Variants in EPHA6 observed in about 807,000 individuals in gnomAD.
The protein encoded by EPHA6 is ephrin type-A receptor 6.
EPHA6 carries 50 observed loss-of-function variants against 112.0 expected under a neutral mutation model. The ratio of observed to expected loss-of-function variants is 0.45; its 90% CI spans 0.36 to 0.56. The LOEUF (loss-of-function observed/expected upper bound fraction) is 0.56. Ranked by LOEUF, EPHA6 falls within the 20% of genes least tolerant of loss-of-function variation. The pLI is 0.00. For missense variants in EPHA6, 1,280 were observed against 1,417.4 expected (o/e 0.90, Z 1.56); for synonymous variants, 529 against 490.7 (o/e 1.08, Z -1.03).
At chr3:96,911,967 A>G (rs1302684037) in intron 2 of EPHA6, among the ~76,000 whole-genome samples, 1 of 152,014 alleles carries the variant, frequency 6.6e-6, no homozygotes, top group African/African-American at 2.4e-5. Context: ...TTAAGTGTCT[A>G]AGAACTAGAA....
chr3:97,388,654 T>C (rs751519630), intron 5 of EPHA6, among the ~76,000 whole-genome samples: 4 of 152,186 alleles, frequency 2.6e-5, no homozygotes, highest in Admixed American at 1.3e-4. Context: ...GGAGGCAATC[T>C]TCCTCGGCTA....
At chr3:96,892,830 G>T (rs1320445637) in intron 2 of EPHA6, among the ~76,000 whole-genome samples, 2 of 151,498 alleles carry the variant, frequency 1.3e-5, no homozygotes, top group African/African-American at 4.9e-5. Context: ...TAATTATTTT[G>T]TTTCTTGTAG....
intron 3 of EPHA6, among the ~76,000 whole-genome samples, chr3:97,115,155 T>C (rs1205864827): frequency 2.6e-5 from 4 of 151,966 alleles, no homozygotes; most frequent in African/African-American, 9.7e-5. Context: ...TGGATGGCTA[T>C]GTAGGGATTT....
intron 15 of EPHA6, among the ~76,000 whole-genome samples, chr3:97,723,927 C>A (rs2034640870): frequency 6.6e-6 from 1 of 152,174 alleles, no homozygotes; most frequent in South Asian, 2.1e-4. Context: ...AACTTCCCAG[C>A]TGCTCTTTCC....
chr3:97,231,086 G>A lies in EPHA6; in HGVS notation c.1270+4667G>A, dbSNP rs143717724. Among the ~76,000 whole-genome samples the A allele has an allele frequency of 2.4e-3, 360 of 152,228 alleles. 2 individuals carry two copies. Among genetic ancestry groups the A allele is most frequent in the African/African-American group, 8.2e-3 (341 of 41,558 alleles). ...ATGCCAAAGAGGCATATTTTTGAGT[G>A]GCGTATTCTGGTCTCCTATAGCCAT... On this transcript the variant is annotated intron_variant, in intron 4 of 17. Coordinates refer to ENST00000389672, the MANE Select transcript of EPHA6 (RefSeq NM_001080448.3).
At chr3:97,036,221 A>G (rs1381519435) in intron 3 of EPHA6, among the ~76,000 whole-genome samples, 2 of 152,040 alleles carry the variant, frequency 1.3e-5, no homozygotes, top group Non-Finnish European at 2.9e-5. Context: ...TTTGAAAAAT[A>G]AAGTGTGAAT....
intron 2 of EPHA6, among the ~76,000 whole-genome samples, chr3:96,880,287 CAAAAT>C (rs2037234148): frequency 6.6e-6 from 1 of 151,626 alleles, no homozygotes; most frequent in African/African-American, 2.4e-5. Flanking sequence ...CAATTTAAAA[CAAAAT>C]AAAGTTAATT....
intron 2 of EPHA6, among the ~76,000 whole-genome samples, chr3:96,939,254 T>C (rs900217340): frequency 2.0e-5 from 3 of 152,206 alleles, no homozygotes; most frequent in Non-Finnish European, 4.4e-5. Flanking sequence ...TTTTCGTTGG[T>C]AAGCTATTGA....
chr3:97,604,251 A>T (rs1490455486), intron 12 of EPHA6, among the ~76,000 whole-genome samples: 2 of 151,740 alleles, frequency 1.3e-5, no homozygotes, highest in Admixed American at 6.6e-5. Flanking sequence ...TCCAAAGGGG[A>T]AAACATCTCC....
intron 10 of EPHA6, among the ~76,000 whole-genome samples, chr3:97,526,071 G>C (rs551191140): frequency 6.6e-6 from 1 of 152,132 alleles, no homozygotes; most frequent in African/African-American, 2.4e-5. Flanking sequence ...TAGCCCCCAC[G>C]AATAGGTATG....
chr3:96,999,972 A>G (rs1176368133), intron 3 of EPHA6, among the ~76,000 whole-genome samples: 1 of 151,798 alleles, frequency 6.6e-6, no homozygotes, highest in Admixed American at 6.6e-5. Context: ...TTTTCCTTCC[A>G]GCTCTCAACC....
intron 1 of EPHA6, among the ~76,000 whole-genome samples, chr3:96,859,201 A>G (rs2035869074): frequency 6.6e-6 from 1 of 152,102 alleles, no homozygotes; most frequent in Non-Finnish European, 1.5e-5. Flanking sequence ...AGTAATAGTT[A>G]TAATTGTGCT....
At chr3:97,107,520 C>T (rs1292509987) in intron 3 of EPHA6, among the ~76,000 whole-genome samples, 20 of 152,150 alleles carry the variant, frequency 1.3e-4, no homozygotes. Context: ...ATAAGCTAAG[C>T]CTGTTTTCTC....
chr3:97,287,759 C>T (rs2108678990), intron 5 of EPHA6, among the ~76,000 whole-genome samples: 1 of 152,156 alleles, frequency 6.6e-6, no homozygotes, highest in Non-Finnish European at 1.5e-5. Flanking sequence ...GGGATGAATC[C>T]CACTTAAATA....
At chr3:96,868,885 A>G (rs897554895) in intron 2 of EPHA6, among the ~76,000 whole-genome samples, 5 of 151,986 alleles carry the variant, frequency 3.3e-5, no homozygotes, top group African/African-American at 1.2e-4. Context: ...CACTAGTAAT[A>G]TCATGCTGAT....
intron 5 of EPHA6, among the ~76,000 whole-genome samples, chr3:97,341,914 G>A (rs1157014787): frequency 6.6e-6 from 1 of 152,126 alleles, no homozygotes; most frequent in Non-Finnish European, 1.5e-5. Flanking sequence ...AGGAGAGGGT[G>A]AGAAAGACAA....
chr3:97,649,764 TCACACACACACACA>T (rs3064341), intron 14 of EPHA6, among the ~76,000 whole-genome samples: 1 of 148,034 alleles, frequency 6.8e-6, no homozygotes, highest in Non-Finnish European at 1.5e-5. Flanking sequence ...AAATCACTAT[TCACACACACACACA>T]CACACACACA....
chr3:96,855,007 A>C (rs1308458069), intron 1 of EPHA6, among the ~76,000 whole-genome samples: 1 of 152,140 alleles, frequency 6.6e-6, no homozygotes, highest in Non-Finnish European at 1.5e-5. Context: ...ACTGCGTTCC[A>C]TTCTGGAGGT....
In EPHA6 at chr3:97,181,911, T is replaced by C. The variant is rs367981313; in HGVS notation, c.1115-44353T>C. Among the ~76,000 whole-genome samples the C allele has an allele frequency of 7.6e-4, 116 of 152,240 alleles. 4 individuals carry two copies. The South Asian group carries it at 0.024, about 31-fold the overall frequency. ...ACTCCAGGGACTGTCACTGTGCTTT[T>C]TTGACCTTGACCTCCAAACATTATG... On this transcript the variant is annotated intron_variant, in intron 3 of 17. Coordinates refer to ENST00000389672, the MANE Select transcript of EPHA6 (RefSeq NM_001080448.3).
Sources: allele counts gnomAD v4.1 joint callset (sites outside exome capture counted in the v4.1 genomes callset), GRCh38; gene constraint gnomAD v4.1.1; transcripts MANE v1.5; gene names NCBI Gene and HGNC (gene_info 2026-07-23, HGNC 2026-07-21).